The following DKC1 variants were observed in gnomAD, a reference collection of about 807,000 sequenced individuals.
The protein encoded by DKC1 is H/ACA ribonucleoprotein complex subunit DKC1.
DKC1 carries 4 observed loss-of-function variants against 46.7 expected under a neutral mutation model. The ratio of observed to expected loss-of-function variants is 0.09; its 90% CI spans 0.04 to 0.20. The LOEUF (loss-of-function observed/expected upper bound fraction) is 0.20. DKC1 is among the 10% of genes least tolerant of loss of function. The pLI is 1.00. For missense variants in DKC1, 171 were observed against 404.2 expected, an observed-to-expected ratio of 0.42 and a Z score of 4.95; for synonymous variants, 141 against 142.4, an observed-to-expected ratio of 0.99 and a Z score of 0.07.
At chrX:154,773,938 C>A (rs892284990) in intron 11 of DKC1, among the ~76,000 whole-genome samples, 1 of 110,837 alleles carries the variant, frequency 9.0e-6, no homozygotes, top group Non-Finnish European at 1.9e-5. Flanking sequence ...GGGGCTGACC[C>A]CCCCCCACCT....
intron 3 of DKC1, 138 bp downstream of exon 3, chrX:154,765,668 C>T: frequency 1.6e-6 from 1 of 617,886 alleles, no homozygotes; most frequent in Non-Finnish European, 2.7e-6. Context: ...AAGCAGGATT[C>T]CTTAAGGTAT....
intron 1 of DKC1, 78 bp downstream of exon 1, chrX:154,763,059 C>T (rs2071700710): frequency 1.9e-6 from 2 of 1,079,938 alleles, no homozygotes; most frequent in Non-Finnish European, 2.5e-6. Context: ...TATCGGGGCC[C>T]GCGCACGCCT....
At chrX:154,776,028 C>A (rs1377197042) in intron 13 of DKC1, among the ~76,000 whole-genome samples, 159 bp from the exon 14 acceptor site, 1 of 112,301 alleles carries the variant, frequency 8.9e-6, no homozygotes, top group East Asian at 2.8e-4. Context: ...GTCTTCAAAT[C>A]CTCAGTAAAC....
chrX:154,776,899 A>T lies in DKC1; in HGVS notation c.*32A>T. The T allele has an allele frequency of 9.0e-7, 1 of 1,109,246 alleles. No individual in the cohort carries two copies. The highest frequency in any genetic ancestry group is 3.1e-5 in the East Asian group (1 of 32,164). 91.4% of individuals were successfully genotyped at this position (1,109,246 alleles called of 1,213,427 possible). A position where few individuals can be genotyped will look rare whatever the true frequency, so the allele number is the denominator to read the frequency against. On this transcript the variant is annotated 3_prime_UTR_variant, in exon 15 of 15. Coordinates refer to ENST00000369550, the MANE Select transcript of DKC1 (RefSeq NM_001363.5). ...CCACTTGAAGCTGGAGGAGAAACTA[A>T]AGCCTTATTGAGAAAACATGTTATA...
At chrX:154,771,186 T>TG (rs200978202) in intron 10 of DKC1, among the ~76,000 whole-genome samples, 12 of 92,434 alleles carry the variant, frequency 1.3e-4, no homozygotes, top group Admixed American at 4.9e-4. Flanking sequence ...TTGGTGGTGG[T>TG]GTTTTTTTTT....
Position 154,767,004 on chromosome X carries a change from G to C in DKC1, c.456G>C (p.Glu152Asp). 1 of 1,211,649 alleles carries C rather than the reference G, an allele frequency of 8.3e-7. No individual in the cohort carries two copies. The change falls in exon 6 of 15, where the codon GAG becomes GAC. Residue 152 changes from glutamate (E) to aspartate (D), a missense_variant. Glu to Asp is a conservative substitution (Grantham distance 45). Transcript: ENST00000369550. ...TCTTTTGTCATTTTTCAGGCAAAGAGTATGTGGGGATTGTCCGGCTGCACA... is the reference window on the plus strand; with the variant it reads ...TCTTTTGTCATTTTTCAGGCAAAGACTATGTGGGGATTGTCCGGCTGCACA... ...LVKSQQSAGK[E>D]YVGIVRLHNA...
At chrX:154,765,242 A>G (rs1284181118) in intron 2 of DKC1, 11 of 499,098 alleles carry the variant, frequency 2.2e-5, no homozygotes, top group Admixed American at 8.8e-5. Flanking sequence ...TTCTCTTTAA[A>G]TGTTTGGACC....
chrX:154,773,281 G>A (rs782541249), intron 11 of DKC1, 32 bp downstream of exon 11: 1 of 630,038 alleles, frequency 1.6e-6, no homozygotes, highest in Non-Finnish European at 2.4e-6. Flanking sequence ...GCCCTGCCAG[G>A]TTCTTTTTTT....
chrX:154,764,305 A>T (rs1603429373), intron 1 of DKC1, among the ~76,000 whole-genome samples: 1 of 109,443 alleles, frequency 9.1e-6, no homozygotes. Flanking sequence ...CCATGAATGG[A>T]GCTTGCTGAG....
chrX:154,762,923 C>T lies in DKC1; in HGVS notation c.-43C>T, dbSNP rs372512982. 3.5e-5 allele frequency: 41 copies of T among 1,172,851 alleles called. No homozygotes were observed. Among genetic ancestry groups the T allele is most frequent in the Non-Finnish European group, 4.6e-5 (40 of 875,018 alleles). On this transcript the variant is annotated 5_prime_UTR_variant, in exon 1 of 15. Coordinates refer to ENST00000369550, the MANE Select transcript of DKC1 (RefSeq NM_001363.5). ...AGGCGGCGGGAGTCTGCGGTCGTTC[C>T]CTCGGCTGTGGACCGGGCGGCACGC...
intron 1 of DKC1, among the ~76,000 whole-genome samples, chrX:154,763,343 C>T (rs782488236): frequency 8.9e-6 from 1 of 112,421 alleles, no homozygotes; most frequent in African/African-American, 3.2e-5. Context: ...ACTAGGGGAG[C>T]AAGGGTAGTG....
rs782563126 is a variant in DKC1, at chrX:154,762,947, G to C, written c.-19G>C. The C allele has an allele frequency of 2.5e-4, 291 of 1,178,766 alleles. No individual in the cohort carries two copies. In the South Asian group the frequency reaches 5.2e-3, roughly 21 times the overall value. On this transcript the variant is annotated 5_prime_UTR_variant, in exon 1 of 15. Transcript: ENST00000369550. ...CCCTCGGCTGTGGACCGGGCGGCAC[G>C]CACGCGGTGCAGGGTAACATGGCGG...
At chrX:154,776,604 TC>T (rs2071899739) in intron 14 of DKC1, among the ~76,000 whole-genome samples, 194 bp from the exon 15 acceptor site, 1 of 111,876 alleles carries the variant, frequency 8.9e-6, no homozygotes, top group South Asian at 3.7e-4. Context: ...TGTTTCCACT[TC>T]CAAAAGTAGA....
At chrX:154,768,556 A>G (rs1557264519) in intron 8 of DKC1, 124 bp downstream of exon 8, 3 of 924,925 alleles carry the variant, frequency 3.2e-6, no homozygotes, top group South Asian at 3.9e-5. Flanking sequence ...AGTCCAGGGC[A>G]GCTTCCCTGT....
chrX:154,769,992 A>G (rs1557264710), intron 9 of DKC1, among the ~76,000 whole-genome samples: 1 of 111,118 alleles, frequency 9.0e-6, no homozygotes, highest in Non-Finnish European at 1.9e-5. Flanking sequence ...CTTAACTTGT[A>G]CCCACTGACC....
At chrX:154,766,594 A>G (rs2071748113) in intron 5 of DKC1, 194 bp downstream of exon 5, 1 of 457,900 alleles carries the variant, frequency 2.2e-6, no homozygotes, top group Non-Finnish European at 3.8e-6. Context: ...AATTCCACAT[A>G]CTAAGCATGT....
chrX:154,767,637 C>G (rs1404368138), intron 7 of DKC1, among the ~76,000 whole-genome samples: 1 of 111,459 alleles, frequency 9.0e-6, no homozygotes, highest in African/African-American at 3.3e-5. Flanking sequence ...TTGTGTAGTT[C>G]GGTGCTTTGT....
intron 10 of DKC1, among the ~76,000 whole-genome samples, chrX:154,771,501 T>A (rs1267814030): frequency 9.4e-6 from 1 of 105,836 alleles, no homozygotes; most frequent in Non-Finnish European, 1.9e-5. Flanking sequence ...TTTTTTTTTG[T>A]ACCCATTAAC....
At chrX:154,763,066 GCCTC>G in intron 1 of DKC1, 85 bp downstream of exon 1, 1 of 1,065,756 alleles carries the variant, frequency 9.4e-7, no homozygotes, top group Non-Finnish European at 1.3e-6. Context: ...GCCCGCGCAC[GCCTC>G]CCTCTGGTTC....
Sources: allele counts gnomAD v4.1 joint callset (sites outside exome capture counted in the v4.1 genomes callset), GRCh38; gene constraint gnomAD v4.1.1; transcripts MANE v1.5; gene names NCBI Gene and HGNC (gene_info 2026-07-23, HGNC 2026-07-21).